B3GALT1: variants seen among roughly 807,000 people sequenced by gnomAD.
B3GALT1 encodes beta-1,3-galactosyltransferase 1, also known as UDP-Gal:betaGlcNAc beta 1,3-galactosyltransferase, polypeptide 1.
B3GALT1 carries 10 observed loss-of-function variants against 23.2 expected under a neutral mutation model. The observed-to-expected ratio is 0.43, with a 90% CI of 0.27 to 0.73. The LOEUF (loss-of-function observed/expected upper bound fraction) is 0.73, where lower values mean the gene tolerates loss of function less well. Ranked by LOEUF, B3GALT1 falls within the 30% of genes least tolerant of loss-of-function variation. The probability of loss-of-function intolerance (pLI) is 0.21; values close to 1 mark genes in which losing one functional copy is unlikely to be tolerated. For missense variants in B3GALT1, 299 were observed against 405.4 expected (o/e 0.74, Z 2.25); for synonymous variants, 156 against 141.5 (o/e 1.10, Z -0.73).
intron 2 of B3GALT1, among the ~76,000 whole-genome samples, chr2:167,624,826 A>G (rs1363048150): frequency 1.3e-5 from 2 of 152,048 alleles, no homozygotes; most frequent in African/African-American, 4.8e-5. Context: ...AAGAATGCTC[A>G]TGAGGAGCAT....
chr2:167,532,243 A>T (rs1683338222), intron 2 of B3GALT1, among the ~76,000 whole-genome samples: 1 of 152,176 alleles, frequency 6.6e-6, no homozygotes, highest in Non-Finnish European at 1.5e-5. Context: ...AGGACAAAAC[A>T]ATCAGGTTCA....
intron 3 of B3GALT1, among the ~76,000 whole-genome samples, chr2:167,743,701 G>A (rs919015656): frequency 4.6e-5 from 7 of 151,816 alleles, no homozygotes; most frequent in African/African-American, 1.5e-4. Flanking sequence ...TTCTATTTGT[G>A]TCTTCTCTCT....
chr2:167,352,554 T>TAA (rs763303379), intron 1 of B3GALT1, among the ~76,000 whole-genome samples: 13 of 113,070 alleles, frequency 1.1e-4, no homozygotes, highest in South Asian at 3.0e-4. Flanking sequence ...CCGTCTCTAC[T>TAA]AAAAAAAAAA....
intron 2 of B3GALT1, among the ~76,000 whole-genome samples, chr2:167,607,956 C>T (rs1171219240): frequency 6.6e-6 from 1 of 152,062 alleles, no homozygotes; most frequent in African/African-American, 2.4e-5. Flanking sequence ...TCCTTCCATC[C>T]CAATTATACT....
chr2:167,586,511 G>C (rs1484711488), intron 2 of B3GALT1, among the ~76,000 whole-genome samples: 1 of 152,140 alleles, frequency 6.6e-6, no homozygotes, highest in Non-Finnish European at 1.5e-5. Context: ...ATGTTAGCCA[G>C]GATGGTCTCG....
At chr2:167,420,757 A>G (rs963256851) in intron 1 of B3GALT1, among the ~76,000 whole-genome samples, 1 of 152,222 alleles carries the variant, frequency 6.6e-6, no homozygotes, top group Non-Finnish European at 1.5e-5. Flanking sequence ...CTCAGAACAT[A>G]CATAGTCATT....
At chr2:167,591,819 T>C (rs943801921) in intron 2 of B3GALT1, among the ~76,000 whole-genome samples, 8 of 151,958 alleles carry the variant, frequency 5.3e-5, no homozygotes, top group Admixed American at 1.3e-4. Context: ...GCAGTTGTGT[T>C]GAGAGTAAAT....
At chr2:167,624,343 C>T (rs933116259) in intron 2 of B3GALT1, among the ~76,000 whole-genome samples, 2 of 151,994 alleles carry the variant, frequency 1.3e-5, no homozygotes, top group Admixed American at 1.3e-4. Flanking sequence ...TAATAGGCTT[C>T]CTTACAGTTT....
At chr2:167,545,005 C>T (rs960469017) in intron 2 of B3GALT1, among the ~76,000 whole-genome samples, 11 of 139,420 alleles carry the variant, frequency 7.9e-5, no homozygotes, top group African/African-American at 2.7e-4. Flanking sequence ...CCCGGAAGGC[C>T]GCTTTTGGCT....
At chr2:167,812,650 T>A (rs1436357117) in intron 3 of B3GALT1, among the ~76,000 whole-genome samples, 1 of 152,318 alleles carries the variant, frequency 6.6e-6, no homozygotes, top group Admixed American at 6.5e-5. Context: ...GTTTTCTCCA[T>A]TCCTCTTTCA....
chr2:167,660,290 G>C (rs1558939924), intron 3 of B3GALT1, among the ~76,000 whole-genome samples: 1 of 151,986 alleles, frequency 6.6e-6, no homozygotes, highest in Non-Finnish European at 1.5e-5. Context: ...TGCTTGTGTG[G>C]CTCTCCACTT....
chr2:167,666,024 T>A (rs553097398), intron 3 of B3GALT1, among the ~76,000 whole-genome samples: 3 of 152,252 alleles, frequency 2.0e-5, no homozygotes, highest in African/African-American at 2.4e-5. Flanking sequence ...GTGTTTGCTC[T>A]TGCTTTTCCA....
intron 3 of B3GALT1, among the ~76,000 whole-genome samples, chr2:167,732,625 A>T (rs766556633): frequency 1.3e-5 from 2 of 152,214 alleles, no homozygotes; most frequent in Non-Finnish European, 1.5e-5. Context: ...TGCAAGGGAA[A>T]CCAATAATTG....
At chr2:167,493,143 A>G (rs889829066) in intron 2 of B3GALT1, among the ~76,000 whole-genome samples, 3 of 152,172 alleles carry the variant, frequency 2.0e-5, no homozygotes, top group African/African-American at 7.2e-5. Flanking sequence ...TTTTGTATTC[A>G]GTTAAATTTG....
In B3GALT1 at chr2:167,654,586, T is replaced by G. The variant is rs563082218; in HGVS notation, c.-352+7620T>G. On this transcript the variant is annotated intron_variant, in intron 3 of 4. Transcript: ENST00000392690. ...TCAATCATAGCTCACTGCAGCCTTC[T>G]GGGCTCAAAGGATCGTCTTGCCTCA... 3.9e-5 allele frequency among the ~76,000 whole-genome samples: 6 copies of G among 152,176 alleles called. No homozygotes were observed. The South Asian group carries it at 1.2e-3, about 32-fold the overall frequency.
chr2:167,473,037 C>T (rs541841501), intron 1 of B3GALT1, among the ~76,000 whole-genome samples: 2 of 152,168 alleles, frequency 1.3e-5, no homozygotes, highest in African/African-American at 2.4e-5. Flanking sequence ...AAATCTGTAT[C>T]GGGCACATTT....
intron 4 of B3GALT1, among the ~76,000 whole-genome samples, chr2:167,865,282 G>A (rs867367617): frequency 6.6e-5 from 10 of 152,114 alleles, no homozygotes; most frequent in Non-Finnish European, 1.5e-4. Flanking sequence ...GGTGGTGCAC[G>A]CCTGTAATCC....
intron 1 of B3GALT1, among the ~76,000 whole-genome samples, chr2:167,372,666 C>T (rs1356598707): frequency 6.6e-6 from 1 of 151,906 alleles, no homozygotes; most frequent in Admixed American, 6.6e-5. Flanking sequence ...ATACAAAAAT[C>T]AGTTATGATT....
intron 1 of B3GALT1, among the ~76,000 whole-genome samples, chr2:167,344,015 G>A (rs1355943468): frequency 6.6e-6 from 1 of 152,090 alleles, no homozygotes; most frequent in East Asian, 1.9e-4. Flanking sequence ...GGGAGTATTG[G>A]GTGGCTATGG....
Sources: allele counts gnomAD v4.1 joint callset (sites outside exome capture counted in the v4.1 genomes callset), GRCh38; gene constraint gnomAD v4.1.1; transcripts MANE v1.5; gene names NCBI Gene and HGNC (gene_info 2026-07-23, HGNC 2026-07-21).